The following FRMD5 variants were observed in gnomAD, a reference collection of about 807,000 sequenced individuals.
FRMD5 encodes the protein FERM domain containing 5, also known as FERM domain-containing protein 5.
A neutral mutation model predicts 69.0 loss-of-function variants in FRMD5; 20 were observed. The ratio of observed to expected loss-of-function variants is 0.29; its 90% CI spans 0.20 to 0.42. The LOEUF (loss-of-function observed/expected upper bound fraction) is 0.42, where lower values mean the gene tolerates loss of function less well. Among genes scored for constraint, FRMD5 ranks in the 10% least tolerant of loss-of-function variants. The pLI is 1.00. For synonymous variants in FRMD5, 271 were observed against 260.1 expected (o/e 1.04, Z -0.40); for missense variants, 595 against 708.6 (o/e 0.84, Z 1.82).
chr15:44,064,542 T>A (rs902029443), intron 1 of FRMD5, among the ~76,000 whole-genome samples: 2 of 152,096 alleles, frequency 1.3e-5, no homozygotes, highest in Non-Finnish European at 2.9e-5. Context: ...TGAGCCGAGA[T>A]CTCGTCATTG....
chr15:44,134,471 C>T (rs2077152366), intron 1 of FRMD5, among the ~76,000 whole-genome samples: 1 of 152,150 alleles, frequency 6.6e-6, no homozygotes, highest in Admixed American at 6.5e-5. Flanking sequence ...TCTTTTGAGA[C>T]AGGGTCTCGC....
intron 1 of FRMD5, among the ~76,000 whole-genome samples, chr15:43,977,134 T>C (rs2090476109): frequency 6.6e-6 from 1 of 152,006 alleles, no homozygotes; most frequent in Non-Finnish European, 1.5e-5. Flanking sequence ...GTGCCCAGCC[T>C]CATACTAAAG....
chr15:43,990,495 G>A (rs953738611), intron 1 of FRMD5, among the ~76,000 whole-genome samples: 1 of 152,096 alleles, frequency 6.6e-6, no homozygotes, highest in Non-Finnish European at 1.5e-5. Flanking sequence ...AATAGAAATA[G>A]AGTTTCAAAT....
intron 1 of FRMD5, among the ~76,000 whole-genome samples, chr15:44,143,855 C>T (rs764496749): frequency 6.2e-5 from 8 of 129,238 alleles, no homozygotes; most frequent in Middle Eastern, 0.011. Flanking sequence ...ACCCAGGAGG[C>T]GGAGGTTGCA....
At chr15:43,966,916 G>C (rs1261764495) in intron 1 of FRMD5, among the ~76,000 whole-genome samples, 1 of 152,088 alleles carries the variant, frequency 6.6e-6, no homozygotes, top group Non-Finnish European at 1.5e-5. Flanking sequence ...TTACAGAGGG[G>C]CAGGAAGAAC....
intron 1 of FRMD5, among the ~76,000 whole-genome samples, chr15:44,045,642 T>TAA (rs1185212880): frequency 6.6e-6 from 1 of 152,126 alleles, no homozygotes; most frequent in African/African-American, 2.4e-5. Flanking sequence ...TATTCTTCAA[T>TAA]AGACAGTACA....
chr15:43,919,606 C>A, intron 3 of FRMD5, 69 bp from the exon 4 acceptor site: 2 of 1,514,368 alleles, frequency 1.3e-6, no homozygotes, highest in Non-Finnish European at 1.8e-6. Context: ...CTTCTGCCCA[C>A]TAGCATGAAG....
intron 1 of FRMD5, among the ~76,000 whole-genome samples, chr15:43,969,122 C>G (rs573961561): frequency 1.3e-4 from 19 of 149,990 alleles, no homozygotes; most frequent in African/African-American, 1.5e-4. Flanking sequence ...GGATCTTGCT[C>G]TGTCATCCAG....
intron 1 of FRMD5, among the ~76,000 whole-genome samples, chr15:44,098,078 A>G (rs1393010992): frequency 6.6e-6 from 1 of 151,180 alleles, no homozygotes; most frequent in African/African-American, 2.4e-5. Flanking sequence ...GCAGCCAGAA[A>G]GTAATGCCAT....
chr15:44,109,987 T>C (rs2076774553), intron 1 of FRMD5, among the ~76,000 whole-genome samples: 1 of 152,256 alleles, frequency 6.6e-6, no homozygotes, highest in Non-Finnish European at 1.5e-5. Flanking sequence ...AACACAGTTC[T>C]TTTTAGTGCT....
intron 1 of FRMD5, among the ~76,000 whole-genome samples, chr15:44,148,981 T>C (rs918914761): frequency 7.2e-5 from 11 of 152,188 alleles, no homozygotes; most frequent in African/African-American, 2.7e-4. Context: ...TAAAAATTAT[T>C]AGTCTAAAAA....
intron 1 of FRMD5, among the ~76,000 whole-genome samples, chr15:44,007,805 C>T (rs1334578634): frequency 2.6e-5 from 4 of 151,976 alleles, no homozygotes; most frequent in South Asian, 2.1e-4. Context: ...GCCACCACCC[C>T]GGCTAATTTT....
chr15:43,983,257 C>T (rs2090575295), intron 1 of FRMD5, among the ~76,000 whole-genome samples: 1 of 152,104 alleles, frequency 6.6e-6, no homozygotes, highest in African/African-American at 2.4e-5. Context: ...TAAAGATACT[C>T]TTTCCCTTCT....
At chr15:43,961,661 T>A (rs141320164) in intron 1 of FRMD5, among the ~76,000 whole-genome samples, 1 of 152,202 alleles carries the variant, frequency 6.6e-6, no homozygotes, top group East Asian at 1.9e-4. Flanking sequence ...CTCAGTAAAA[T>A]ACTGGCAAAC....
intron 1 of FRMD5, among the ~76,000 whole-genome samples, chr15:44,166,321 T>C (rs746819349): frequency 4.6e-5 from 7 of 152,212 alleles, no homozygotes; most frequent in Non-Finnish European, 1.0e-4. Flanking sequence ...TGATTATTAT[T>C]AAGGATAGTA....
At chr15:44,132,388 C>A (rs1186390719) in intron 1 of FRMD5, among the ~76,000 whole-genome samples, 3 of 152,140 alleles carry the variant, frequency 2.0e-5, no homozygotes, top group Non-Finnish European at 4.4e-5. Context: ...AGAAGAGTTA[C>A]TGGGGACAGA....
At chr15:44,025,079 T>C (rs1201022496) in intron 1 of FRMD5, among the ~76,000 whole-genome samples, 1 of 152,204 alleles carries the variant, frequency 6.6e-6, no homozygotes, top group Non-Finnish European at 1.5e-5. Context: ...GTAGTAATAC[T>C]TAACTCACAG....
At chr15:44,060,679 G>C (rs913428915) in intron 1 of FRMD5, among the ~76,000 whole-genome samples, 1 of 152,088 alleles carries the variant, frequency 6.6e-6, no homozygotes, top group South Asian at 2.1e-4. Context: ...TTCCATAATG[G>C]AACAAGAGGG....
At chr15:43,987,532 A>G (rs1397667680) in intron 1 of FRMD5, among the ~76,000 whole-genome samples, 1 of 152,082 alleles carries the variant, frequency 6.6e-6, no homozygotes, top group East Asian at 1.9e-4. Context: ...CATTACAGTT[A>G]TTGGGCACTT....
Sources: allele counts gnomAD v4.1 joint callset (sites outside exome capture counted in the v4.1 genomes callset), GRCh38; gene constraint gnomAD v4.1.1; transcripts MANE v1.5; gene names NCBI Gene and HGNC (gene_info 2026-07-23, HGNC 2026-07-21).